VAV1: variants seen among roughly 807,000 people sequenced by gnomAD.
VAV1 encodes vav guanine nucleotide exchange factor 1, also known as proto-oncogene vav.
Under a neutral mutation model 128.1 loss-of-function variants are expected in VAV1, and 33 were observed. The ratio of observed to expected loss-of-function variants is 0.26; its 90% CI spans 0.20 to 0.34. The LOEUF (loss-of-function observed/expected upper bound fraction) is 0.34, where lower values mean the gene tolerates loss of function less well. Ranked by LOEUF, VAV1 falls within the 10% of genes least tolerant of loss-of-function variation. The probability of loss-of-function intolerance (pLI) is 1.00; values close to 1 mark genes in which losing one functional copy is unlikely to be tolerated. For synonymous variants in VAV1, 394 were observed against 409.8 expected, an observed-to-expected ratio of 0.96 and a Z score of 0.47; for missense variants, 715 against 1,093.7, an observed-to-expected ratio of 0.65 and a Z score of 4.88.
At chr19:6,855,017 C>T (rs917177259) in intron 26 of VAV1, among the ~76,000 whole-genome samples, 7 of 152,134 alleles carry the variant, frequency 4.6e-5, no homozygotes, top group East Asian at 1.9e-4. Flanking sequence ...GCTTGAATTC[C>T]GATTCCAAGG....
At position 6,823,526 on chromosome 19, in the gene VAV1, T is replaced by C. The variant is rs570587475; in HGVS notation, c.654+1012T>C. ...TACAAATATATATTTTATATATATT[T>C]TTTGTTATGTTAACCAGGCTGGTCT... On this transcript the variant is annotated intron_variant, in intron 6 of 26. Transcript: ENST00000602142. 1.6e-3 allele frequency among the ~76,000 whole-genome samples: 245 copies of C among 151,948 alleles called. 1 individual carries two copies. The highest frequency in any genetic ancestry group is 3.0e-3 in the Non-Finnish European group (207 of 67,968).
intron 22 of VAV1, among the ~76,000 whole-genome samples, chr19:6,847,435 T>C (rs535072427): frequency 3.9e-5 from 6 of 152,266 alleles, no homozygotes; most frequent in Admixed American, 2.0e-4. Flanking sequence ...CTGGCTTCTC[T>C]CACTGAGTGT....
intron 22 of VAV1, among the ~76,000 whole-genome samples, chr19:6,847,263 T>C (rs78342983): frequency 2.6e-5 from 4 of 152,038 alleles, no homozygotes; most frequent in East Asian, 1.9e-4. Context: ...GCCGTTTAGC[T>C]CCAAAACATT....
chr19:6,822,060 G>C lies in VAV1; in HGVS notation c.450-161G>C, dbSNP rs1301068348. On this transcript the variant is annotated intron_variant, in intron 4 of 26. Coordinates refer to ENST00000602142, the MANE Select transcript of VAV1 (RefSeq NM_005428.4). This position sits in a 1 kb window ranked among gnomAD's most constrained non-coding sequence, Gnocchi z 5.9. Reference sequence around the variant, plus strand: ...ATGGCACTGTCCTGGGGTCTTGGGGGACATGGCCCTGCCCTGGAGCTTGGA... The same window carrying C: ...ATGGCACTGTCCTGGGGTCTTGGGGCACATGGCCCTGCCCTGGAGCTTGGA... 1.3e-5 allele frequency among the ~76,000 whole-genome samples: 2 copies of C among 152,082 alleles called. No individual in the cohort carries two copies. The highest frequency in any genetic ancestry group is 2.9e-5 in the Non-Finnish European group (2 of 68,008).
At chr19:6,853,153 T>C (rs561747904) in intron 25 of VAV1, 74 bp downstream of exon 25, 125 of 1,369,848 alleles carry the variant, frequency 9.1e-5, no homozygotes, top group Non-Finnish European at 1.2e-4. Flanking sequence ...GGGATGCCAT[T>C]GACACCCCTT....
chr19:6,778,748 A>C (rs1329983935), intron 1 of VAV1, among the ~76,000 whole-genome samples: 5 of 151,984 alleles, frequency 3.3e-5, no homozygotes, highest in Non-Finnish European at 7.4e-5. Context: ...AAAACAAAAC[A>C]AAACCCAATT....
intron 21 of VAV1, among the ~76,000 whole-genome samples, chr19:6,838,434 TCCATCTATCA>T (rs1157084734): frequency 2.1e-5 from 3 of 140,018 alleles, no homozygotes; most frequent in South Asian, 4.2e-4. Flanking sequence ...CATCCATCCA[TCCATCTATCA>T]TCTATCTACT....
At chr19:6,796,896 C>T (rs542529795) in intron 1 of VAV1, among the ~76,000 whole-genome samples, 1 of 152,294 alleles carries the variant, frequency 6.6e-6, no homozygotes, top group South Asian at 2.1e-4. Flanking sequence ...ATAGCTGTAT[C>T]TCCAGCACCT....
Position 6,821,133 on chromosome 19 carries a change from G to A in VAV1, c.321+315G>A, listed in dbSNP as rs1268453029. ...AGAAAGATAGAGGGCCGGGCGCAGT[G>A]GCTCATGCCTGTAATCCCAGCACTT... On this transcript the variant is annotated intron_variant, in intron 2 of 26. Transcript: ENST00000602142. 2.6e-5 allele frequency among the ~76,000 whole-genome samples: 4 copies of A among 152,200 alleles called. No individual in the cohort carries two copies. In the East Asian group the frequency reaches 7.7e-4, roughly 29 times the overall value.
At chr19:6,851,765 G>A (rs530010415) in intron 24 of VAV1, among the ~76,000 whole-genome samples, 3 of 152,174 alleles carry the variant, frequency 2.0e-5, no homozygotes, top group East Asian at 1.9e-4. Flanking sequence ...TGGTCTGTGG[G>A]CCCTTGAGAA....
At chr19:6,854,432 G>A (rs937295414) in intron 26 of VAV1, among the ~76,000 whole-genome samples, 1 of 152,166 alleles carries the variant, frequency 6.6e-6, no homozygotes, top group Non-Finnish European at 1.5e-5. Flanking sequence ...TAACAAGGGT[G>A]CCAGTCACGG....
At chr19:6,812,944 C>T (rs12327725) in intron 1 of VAV1, among the ~76,000 whole-genome samples, 4,448 of 152,148 alleles carry the variant, frequency 0.029, 196 homozygotes, top group African/African-American at 0.092. Context: ...AAACGTCCAG[C>T]CCTTTTTATG....
At chr19:6,799,560 A>G (rs1241338234) in intron 1 of VAV1, among the ~76,000 whole-genome samples, 1 of 152,070 alleles carries the variant, frequency 6.6e-6, no homozygotes, top group Non-Finnish European at 1.5e-5. Flanking sequence ...CCATCAACCC[A>G]TCATCTACAT....
intron 1 of VAV1, among the ~76,000 whole-genome samples, chr19:6,801,670 T>C (rs1971273389): frequency 6.6e-6 from 1 of 151,946 alleles, no homozygotes; most frequent in Admixed American, 6.6e-5. Context: ...AACAGGCATT[T>C]CCGGTTTCCG....
intron 23 of VAV1, 116 bp from the exon 24 acceptor site, chr19:6,850,554 G>A: frequency 1.1e-6 from 1 of 896,706 alleles, no homozygotes; most frequent in East Asian, 2.6e-5. Flanking sequence ...GCTTGTCTTT[G>A]GTTTCCAGTA....
At position 6,814,385 on chromosome 19, in the gene VAV1, A is replaced by G. The variant is rs377031020; in HGVS notation, c.205-6317A>G. On this transcript the variant is annotated intron_variant, in intron 1 of 26. Transcript: ENST00000602142. The stretch of plus-strand genomic sequence containing the variant: ...CTTCCCTCTTGCTCCGGAAGCAACC[A>G]CTGATTTGATTTCTATCATCATAGG... Among the ~76,000 whole-genome samples the G allele has an allele frequency of 6.6e-4, 100 of 152,080 alleles. 1 individual carries two copies. Among genetic ancestry groups the G allele is most frequent in the African/African-American group, 2.3e-3 (96 of 41,442 alleles).
At chr19:6,791,923 G>C (rs952263936) in intron 1 of VAV1, among the ~76,000 whole-genome samples, 5 of 152,144 alleles carry the variant, frequency 3.3e-5, no homozygotes, top group Admixed American at 2.0e-4. Flanking sequence ...CTGGAAGGAA[G>C]GGAGTGAGTG....
At chr19:6,836,876 A>T in intron 20 of VAV1, 109 bp from the exon 21 acceptor site, 2 of 688,234 alleles carry the variant, frequency 2.9e-6, no homozygotes, top group South Asian at 1.6e-5. Flanking sequence ...ACACACACAC[A>T]CACGAGTGAT....
At chr19:6,793,192 G>A (rs965506606) in intron 1 of VAV1, among the ~76,000 whole-genome samples, 1 of 152,096 alleles carries the variant, frequency 6.6e-6, no homozygotes, top group Non-Finnish European at 1.5e-5. Context: ...AAATTAGCCA[G>A]GCATGGTGGC....
Sources: gnomAD v4.1 joint callset for allele counts (sites outside exome capture counted in the v4.1 genomes callset) on GRCh38, gnomAD v4.1.1 for gene constraint, Gnocchi (gnomAD v3.1) non-coding constraint, MANE v1.5 for transcripts, NCBI Gene and HGNC (gene_info 2026-07-23, HGNC 2026-07-21) for gene names.